Variants in STAT5B observed in about 807,000 individuals in gnomAD.
The protein encoded by STAT5B is signal transducer and activator of transcription 5B.
In STAT5B, 21 loss-of-function variants were observed where a neutral mutation model predicts 107.8. The ratio of observed to expected loss-of-function variants is 0.19; its 90% CI spans 0.14 to 0.28. STAT5B has a LOEUF of 0.28. Ranked by LOEUF, STAT5B falls within the 10% of genes least tolerant of loss-of-function variation. STAT5B has a pLI of 1.00. For missense variants in STAT5B, 565 were observed against 1,008.2 expected, an observed-to-expected ratio of 0.56 and a Z score of 5.95; for synonymous variants, 325 against 401.7, an observed-to-expected ratio of 0.81 and a Z score of 2.28.
At chr17:42,226,178 A>C (rs996185975) in intron 3 of STAT5B, among the ~76,000 whole-genome samples, 1 of 151,616 alleles carries the variant, frequency 6.6e-6, no homozygotes, top group Admixed American at 6.6e-5. Flanking sequence ...CAGATGATTC[A>C]CCCGCCTCAG....
At chr17:42,250,532 T>C (rs1286051457) in intron 1 of STAT5B, among the ~76,000 whole-genome samples, 1 of 152,082 alleles carries the variant, frequency 6.6e-6, no homozygotes, top group East Asian at 1.9e-4. Flanking sequence ...CTAGCAGCAG[T>C]AGTAATAGAA....
At chr17:42,283,529 G>A in the STAT5B span, among the ~76,000 whole-genome samples, 1 of 152,200 alleles carries the variant, frequency 6.6e-6, no homozygotes, top group Admixed American at 6.5e-5. Flanking sequence ...ACCCTGTCCA[G>A]CCCCACACCC....
intron 5 of STAT5B, among the ~76,000 whole-genome samples, chr17:42,222,973 C>G (rs887671528): frequency 6.6e-6 from 1 of 152,054 alleles, no homozygotes; most frequent in South Asian, 2.1e-4. Flanking sequence ...TGTGAGCCAC[C>G]GTGCCCAGCC....
At chr17:42,218,631 T>C in intron 8 of STAT5B, 92 bp downstream of exon 8, 3 of 1,602,698 alleles carry the variant, frequency 1.9e-6, no homozygotes, top group Non-Finnish European at 1.7e-6. Context: ...AGGCAGGAAG[T>C]GGATCTGCTG....
At chr17:42,256,902 T>C (rs2080551009) in intron 1 of STAT5B, among the ~76,000 whole-genome samples, 1 of 149,744 alleles carries the variant, frequency 6.7e-6, no homozygotes, top group Admixed American at 6.6e-5. Context: ...TACATACTTG[T>C]TCTATTTTAT....
intron 2 of STAT5B, among the ~76,000 whole-genome samples, chr17:42,228,434 T>G (rs984577542): frequency 2.0e-5 from 3 of 152,138 alleles, no homozygotes; most frequent in African/African-American, 7.2e-5. Flanking sequence ...TCCTTTCTAC[T>G]ACTTAGGCAA....
intron 1 of STAT5B, among the ~76,000 whole-genome samples, chr17:42,254,189 A>G (rs2080522603): frequency 6.6e-6 from 1 of 152,108 alleles, no homozygotes; most frequent in African/African-American, 2.4e-5. Context: ...CAGCCTGGGC[A>G]ACACAGCAAG....
At chr17:42,238,210 T>C (rs2144316300) in intron 1 of STAT5B, among the ~76,000 whole-genome samples, 1 of 151,988 alleles carries the variant, frequency 6.6e-6, no homozygotes, top group African/African-American at 2.4e-5. Flanking sequence ...CATGGTTCAC[T>C]GCAGCCTCAA....
chr17:42,263,828 TA>T (rs2080639698), intron 1 of STAT5B, among the ~76,000 whole-genome samples: 2 of 150,812 alleles, frequency 1.3e-5, no homozygotes, highest in Admixed American at 6.6e-5. Flanking sequence ...TGCCCAGCCA[TA>T]ATCTGTTTAT....
In STAT5B at chr17:42,201,195, G is replaced by A. The variant is rs756745694; in HGVS notation, c.*543C>T. ...TACCCAAGAACACAGGGGTGGGGGA[G>A]AGGGAAGGCTCTCTTTGTCAAAAAG... On this transcript the variant is annotated 3_prime_UTR_variant, in exon 19 of 19. Transcript: ENST00000293328. 2.2e-5 allele frequency: 9 copies of A among 414,960 alleles called. No individual in the cohort carries two copies. The highest frequency in any genetic ancestry group is 3.4e-5 in the Non-Finnish European group (8 of 235,484). The allele number at this position is 414,960 out of a possible 1,614,324, so 25.7% of individuals were successfully genotyped here.
chr17:42,262,930 A>ATG (rs2080622106), intron 1 of STAT5B, among the ~76,000 whole-genome samples: 1 of 89,258 alleles, frequency 1.1e-5, no homozygotes, highest in Admixed American at 1.1e-4. Context: ...GTGTATATAT[A>ATG]TATGTATATA....
chr17:42,221,065 C>T (rs3865361), intron 5 of STAT5B, among the ~76,000 whole-genome samples: 98,956 of 142,264 alleles, frequency 0.7, 32,997 homozygotes, highest in East Asian at 0.85. Context: ...CTGAGGGCCA[C>T]GTCACTCTGA....
the STAT5B span, among the ~76,000 whole-genome samples, chr17:42,286,436 C>T: frequency 1.3e-5 from 2 of 152,276 alleles, no homozygotes; most frequent in South Asian, 4.1e-4. Context: ...ATTCTGTACT[C>T]TGGCACCTCA....
chr17:42,216,175 T>C, intron 11 of STAT5B, 69 bp from the exon 12 acceptor site: 3 of 1,385,500 alleles, frequency 2.2e-6, no homozygotes, highest in South Asian at 2.6e-5. Context: ...CTTTTTTTTT[T>C]TTCTTATTAT....
Position 42,220,095 on chromosome 17 carries a change from G to A in STAT5B, c.551-253C>T, listed in dbSNP as rs1156523317. 3.3e-5 allele frequency among the ~76,000 whole-genome samples: 5 copies of A among 152,154 alleles called. No homozygotes were observed. In the East Asian group the frequency reaches 5.8e-4, roughly 18 times the overall value. ...GCACACGGGTGCTGGGGCAGCTGGG[G>A]AGGAGGCCTGCCTGCCTCCTGCCCG... On this transcript the variant is annotated intron_variant, in intron 5 of 18. Coordinates refer to ENST00000293328, the MANE Select transcript of STAT5B (RefSeq NM_012448.4).
intron 1 of STAT5B, among the ~76,000 whole-genome samples, chr17:42,268,930 G>C (rs1172277472): frequency 6.6e-6 from 1 of 152,152 alleles, no homozygotes; most frequent in Admixed American, 6.5e-5. Context: ...AGTACTTTAA[G>C]AGATCAAGTG....
In STAT5B at chr17:42,202,438, G is replaced by A. The variant is rs201825895; in HGVS notation, c.2139C>T (p.Asn713=). 2.0e-5 allele frequency: 32 copies of A among 1,614,152 alleles called. No individual in the cohort carries two copies. The highest frequency in any genetic ancestry group is 1.6e-4 in the South Asian group (15 of 91,082). The change falls in exon 18 of 19, where the codon AAC becomes AAT. Residue 713 remains asparagine (N), a synonymous_variant. Transcript: ENST00000293328. The stretch of plus-strand genomic sequence containing the variant: ...TGCCGCCCCCGGCATCTGCAGATGC[G>A]TTCACAAACCTGCAGAAGGAAGAGA... ...QIKQVVPEFV[N]ASADAGGGSA...
At chr17:42,278,409 A>T (rs2080781061), upstream of STAT5B, among the ~76,000 whole-genome samples, 1 of 152,238 alleles carries the variant, frequency 6.6e-6, no homozygotes, top group Non-Finnish European at 1.5e-5. Context: ...TGCAGTCATT[A>T]AGAGGACAGG....
rs3048166 is a variant in STAT5B, at chr17:42,253,107, CCTTTCTTT to C, written c.-10-20978_-10-20971del. The stretch of plus-strand genomic sequence containing the variant: ...TGGCATCAGTCTGATAGACGTTGAA[CCTTTCTTT>C]CTTTCTTTCTTTCTTTCTTTCTTTT... On this transcript the variant is annotated intron_variant, in intron 1 of 18. Transcript: ENST00000293328. 4.8e-3 allele frequency among the ~76,000 whole-genome samples: 717 copies of C among 148,528 alleles called. 1 individual carries two copies. Among genetic ancestry groups the C allele is most frequent in the Non-Finnish European group, 7.8e-3 (527 of 67,776 alleles).
Sources: allele counts gnomAD v4.1 joint callset (sites outside exome capture counted in the v4.1 genomes callset), GRCh38; gene constraint gnomAD v4.1.1; transcripts MANE v1.5; gene names NCBI Gene and HGNC (gene_info 2026-07-23, HGNC 2026-07-21).